Variants in CHSY3 observed in about 807,000 individuals in gnomAD.
The protein encoded by CHSY3 is N-acetylgalactosaminyl-proteoglycan 3-beta-glucuronosyltransferase 3.
A neutral mutation model predicts 67.2 loss-of-function variants in CHSY3; 35 were observed. The observed-to-expected ratio is 0.52, with a 90% CI of 0.40 to 0.69. The LOEUF is 0.69. Among genes scored for constraint, CHSY3 ranks in the 30% least tolerant of loss-of-function variants. The probability of loss-of-function intolerance (pLI) is 0.00; values close to 1 mark genes in which losing one functional copy is unlikely to be tolerated. For synonymous variants in CHSY3, 474 were observed against 434.7 expected, an observed-to-expected ratio of 1.09 and a Z score of -1.12; for missense variants, 1,069 against 1,138.5, an observed-to-expected ratio of 0.94 and a Z score of 0.88.
At chr5:129,947,735 A>C (rs990128723) in intron 2 of CHSY3, among the ~76,000 whole-genome samples, 12 of 151,914 alleles carry the variant, frequency 7.9e-5, no homozygotes, top group African/African-American at 2.9e-4. Context: ...CATTCTTTCT[A>C]TCAGTATAAA....
At chr5:129,988,716 G>A (rs1013632772) in intron 2 of CHSY3, among the ~76,000 whole-genome samples, 2 of 152,180 alleles carry the variant, frequency 1.3e-5, no homozygotes, top group South Asian at 4.1e-4. Flanking sequence ...GGCTAATCAA[G>A]TCAAAGATAT....
intron 2 of CHSY3, among the ~76,000 whole-genome samples, chr5:130,092,838 G>T (rs751497810): frequency 6.6e-6 from 1 of 152,174 alleles, no homozygotes; most frequent in South Asian, 2.1e-4. Context: ...GGAACCATGT[G>T]TAGGAAAACA....
chr5:129,939,557 C>T (rs748584998), intron 2 of CHSY3, among the ~76,000 whole-genome samples: 3 of 152,040 alleles, frequency 2.0e-5, no homozygotes, highest in Non-Finnish European at 4.4e-5. Flanking sequence ...ATAAAATAAA[C>T]TTAGAAATTA....
At chr5:129,943,621 T>G (rs1332639162) in intron 2 of CHSY3, among the ~76,000 whole-genome samples, 1 of 152,212 alleles carries the variant, frequency 6.6e-6, no homozygotes, top group East Asian at 1.9e-4. Context: ...TTTTTTCCCT[T>G]TAAACGTATT....
intron 2 of CHSY3, among the ~76,000 whole-genome samples, chr5:130,153,876 C>T (rs1446765445): frequency 6.6e-6 from 1 of 151,822 alleles, no homozygotes; most frequent in Non-Finnish European, 1.5e-5. Flanking sequence ...TAGGAAATTG[C>T]ACATACCATA....
chr5:129,930,114 A>C (rs906251110), intron 2 of CHSY3, among the ~76,000 whole-genome samples: 6 of 152,106 alleles, frequency 3.9e-5, no homozygotes, highest in Non-Finnish European at 8.8e-5. Context: ...CAGGCAGATC[A>C]CCTGAGATCA....
chr5:130,082,988 C>G (rs1205507696), intron 2 of CHSY3, among the ~76,000 whole-genome samples: 5 of 151,720 alleles, frequency 3.3e-5, no homozygotes, highest in Admixed American at 6.6e-5. Flanking sequence ...ACATCCTGCA[C>G]ATGTATCCCA....
In CHSY3 at chr5:129,905,559, A is replaced by G; in HGVS notation, c.730A>G (p.Lys244Glu). 3 of 1,613,674 alleles carry G rather than the reference A, an allele frequency of 1.9e-6. No individual in the cohort carries two copies. Among genetic ancestry groups the G allele is most frequent in the Non-Finnish European group, 1.7e-6 (2 of 1,179,990 alleles). ...CCAGAAAAAGTCCTTCATGATGATC[A>G]AGTACATGCACGACCACTACCTGGA... is the stretch of plus-strand genomic sequence containing the variant. ...PPQKKSFMMI[K>E]YMHDHYLDKY... The change falls in exon 1 of 3, where the codon AAG becomes GAG. Residue 244 changes from lysine to glutamate, a missense_variant. Coordinates refer to ENST00000305031, the MANE Select transcript of CHSY3 (RefSeq NM_175856.5).
intron 2 of CHSY3, among the ~76,000 whole-genome samples, chr5:130,126,910 A>C (rs1057474571): frequency 6.6e-6 from 1 of 152,176 alleles, no homozygotes; most frequent in Non-Finnish European, 1.5e-5. Context: ...TCTGACTCTG[A>C]ACAGATGCAG....
chr5:130,032,479 T>A (rs888197999), intron 2 of CHSY3, among the ~76,000 whole-genome samples: 1 of 152,114 alleles, frequency 6.6e-6, no homozygotes, highest in Non-Finnish European at 1.5e-5. Context: ...TGTGACTCAA[T>A]ACCACCCATT....
Position 130,060,107 on chromosome 5 carries a change from CA to C in CHSY3, c.1087-124121del, listed in dbSNP as rs1765661473. On this transcript the variant is annotated intron_variant, in intron 2 of 2. Transcript: ENST00000305031. Reference sequence around the variant, plus strand: ...CTCTGCTACCAAAATCGGGCAAGAACACAACAAAAAGAGAAAACTACAAGGC... The same window carrying C: ...CTCTGCTACCAAAATCGGGCAAGAACCAACAAAAAGAGAAAACTACAAGGC... 2.0e-5 allele frequency among the ~76,000 whole-genome samples: 3 copies of C among 151,922 alleles called. No individual in the cohort carries two copies. The South Asian group carries it at 6.2e-4, about 31-fold the overall frequency.
At position 129,982,300 on chromosome 5, in the gene CHSY3, A is replaced by C. The variant is rs181336740; in HGVS notation, c.1086+73940A>C. Among the ~76,000 whole-genome samples, 743 of 152,138 alleles carry C rather than the reference A, an allele frequency of 4.9e-3. 6 individuals carry two copies. The highest frequency in any genetic ancestry group is 0.016 in the African/African-American group (646 of 41,536). ...GTAAAAAAAAACACACACACACACA[A>C]AAAAAACAACCCATCAATGAACTCT... On this transcript the variant is annotated intron_variant, in intron 2 of 2. Coordinates refer to ENST00000305031, the MANE Select transcript of CHSY3 (RefSeq NM_175856.5).
At chr5:130,095,886 G>A (rs571084255) in intron 2 of CHSY3, among the ~76,000 whole-genome samples, 2 of 152,158 alleles carry the variant, frequency 1.3e-5, no homozygotes, top group African/African-American at 4.8e-5. Flanking sequence ...ATGAACCCCC[G>A]ATATGACGCA....
chr5:129,921,402 G>C (rs1760920459), intron 2 of CHSY3, among the ~76,000 whole-genome samples: 1 of 152,168 alleles, frequency 6.6e-6, no homozygotes, highest in Non-Finnish European at 1.5e-5. Context: ...ACTAGATAAA[G>C]AGACGACTCA....
At chr5:130,097,356 C>T (rs1488431984) in intron 2 of CHSY3, among the ~76,000 whole-genome samples, 2 of 152,184 alleles carry the variant, frequency 1.3e-5, no homozygotes, top group African/African-American at 4.8e-5. Context: ...CCCTGTTTTT[C>T]GCCTCCCTCT....
chr5:129,960,017 T>G (rs1762285309), intron 2 of CHSY3, among the ~76,000 whole-genome samples: 1 of 152,084 alleles, frequency 6.6e-6, no homozygotes, highest in South Asian at 2.1e-4. Context: ...TGGACTAAGT[T>G]AGTTTTATGA....
chr5:130,165,149 T>A (rs1561566212), intron 2 of CHSY3, among the ~76,000 whole-genome samples: 1 of 152,130 alleles, frequency 6.6e-6, no homozygotes, highest in Non-Finnish European at 1.5e-5. Context: ...TTACATCCCG[T>A]CTTGGAAAGA....
At chr5:130,091,363 T>C (rs1766876728) in intron 2 of CHSY3, among the ~76,000 whole-genome samples, 1 of 152,198 alleles carries the variant, frequency 6.6e-6, no homozygotes, top group Non-Finnish European at 1.5e-5. Context: ...TGATTCTAAA[T>C]GTAAACACAA....
At chr5:130,024,176 G>A (rs1764474942) in intron 2 of CHSY3, among the ~76,000 whole-genome samples, 1 of 146,306 alleles carries the variant, frequency 6.8e-6, no homozygotes, top group African/African-American at 2.5e-5. Context: ...TTTTTTAAGG[G>A]CTTTCTCCTT....
Sources: allele counts gnomAD v4.1 joint callset (sites outside exome capture counted in the v4.1 genomes callset), GRCh38; gene constraint gnomAD v4.1.1; transcripts MANE v1.5; gene names NCBI Gene and HGNC (gene_info 2026-07-23, HGNC 2026-07-21).